The following NFATC2 variants were observed in gnomAD, a reference collection of about 807,000 sequenced individuals.
NFATC2 encodes the protein nuclear factor of activated T cells 2.
NFATC2 carries 22 observed loss-of-function variants against 87.3 expected under a neutral mutation model. The observed-to-expected ratio is 0.25, with a 90% CI of 0.18 to 0.36. NFATC2 has a LOEUF of 0.36. Among genes scored for constraint, NFATC2 ranks in the 10% least tolerant of loss-of-function variants. NFATC2 has a pLI of 1.00. For missense variants in NFATC2, 1,149 were observed against 1,259.1 expected (o/e 0.91, Z 1.32); for synonymous variants, 565 against 542.2 (o/e 1.04, Z -0.58).
chr20:51,486,408 TC>T (rs1307409498), intron 3 of NFATC2, among the ~76,000 whole-genome samples: 1 of 152,152 alleles, frequency 6.6e-6, no homozygotes, highest in African/African-American at 2.4e-5. Flanking sequence ...AGAACATTCT[TC>T]CCCTGGGTCT....
upstream of NFATC2, among the ~76,000 whole-genome samples, chr20:51,545,965 TAG>T (rs1300029609): frequency 6.6e-6 from 1 of 152,156 alleles, no homozygotes; most frequent in East Asian, 1.9e-4. Context: ...TTAAAATCCT[TAG>T]AGTTTTCTTT....
chr20:51,540,655 T>TG (rs1555818308), intron 1 of NFATC2, among the ~76,000 whole-genome samples: 1 of 129,286 alleles, frequency 7.7e-6, no homozygotes. Context: ...AAGTTTTTTT[T>TG]TTGTTTTTTT....
Position 51,433,113 on chromosome 20 carries a change from T to C in NFATC2, c.2033-357A>G, listed in dbSNP as rs539760183. On this transcript the variant is annotated intron_variant, in intron 8 of 10. Coordinates refer to ENST00000371564, the MANE Select transcript of NFATC2 (RefSeq NM_012340.5). ...CCCCTCTTTCTATCCCAGCAGCTCC[T>C]GTCTCCGCTTGCTTTCCTTTCTACT... is the stretch of plus-strand genomic sequence containing the variant. Among the ~76,000 whole-genome samples the C allele has an allele frequency of 4.6e-5, 7 of 152,302 alleles. No individual in the cohort carries two copies. In the East Asian group the frequency reaches 1.4e-3, roughly 29 times the overall value.
At chr20:51,541,901 G>C (rs2076823369) in intron 1 of NFATC2, among the ~76,000 whole-genome samples, 1 of 152,130 alleles carries the variant, frequency 6.6e-6, no homozygotes, top group African/African-American at 2.4e-5. Flanking sequence ...GGAAGGAGCG[G>C]CCTCCTACCC....
rs374413124 is a variant in NFATC2, at chr20:51,523,213, C to T, written c.1028G>A (p.Arg343His). 37 of 1,613,710 alleles carry T rather than the reference C, an allele frequency of 2.3e-5. No individual in the cohort carries two copies. The East Asian group carries it at 2.7e-4, about 12-fold the overall frequency. ...SAAPSKAGLP[R>H]HIYPAVEFLG... ...GAACTCCACGGCCGGGTAGATGTGG[C>T]GAGGCAGGCCGGCCTTGGATGGGGC... Residue 343 changes from arginine to histidine, a missense_variant, in exon 2 of 11, where the codon CGC becomes CAC. Transcript: ENST00000371564. The surrounding 1 kb of genome is among the most constrained non-coding windows in gnomAD (Gnocchi z 6.9).
intron 3 of NFATC2, among the ~76,000 whole-genome samples, chr20:51,486,194 G>A (rs1255407319): frequency 6.6e-6 from 1 of 151,824 alleles, no homozygotes; most frequent in African/African-American, 2.4e-5. Context: ...CTGGGTGACA[G>A]AGCGAGACAC....
chr20:51,388,221 T>C lies in NFATC2; in HGVS notation c.*3275A>G, dbSNP rs1366245880. ...TTCCATTACAATGCAGGCAGGGTTT[T>C]GGTGTCAATTTTTTAAAATCAAAAT... On this transcript the variant is annotated 3_prime_UTR_variant, in exon 11 of 11. Coordinates refer to ENST00000371564, the MANE Select transcript of NFATC2 (RefSeq NM_012340.5). The C allele has an allele frequency of 6.6e-6, 1 of 152,248 alleles. No homozygotes were observed. Among genetic ancestry groups the C allele is most frequent in the African/African-American group, 2.4e-5 (1 of 41,458 alleles). The allele number at this position is 152,248 out of a possible 1,614,324, so 9.4% of individuals were successfully genotyped here.
At chr20:51,555,255 C>A (rs1346185394) in intron 1 of NFATC2, among the ~76,000 whole-genome samples, 1 of 152,174 alleles carries the variant, frequency 6.6e-6, no homozygotes, top group Non-Finnish European at 1.5e-5. Flanking sequence ...AACATTCCCC[C>A]AGGGGCTCCT....
At position 51,397,341 on chromosome 20, in the gene NFATC2, AACCCTCAATAGG is replaced by A. The variant is rs1172094253; in HGVS notation, c.*44+1290_*44+1301del. Among the ~76,000 whole-genome samples, 36 of 149,426 alleles carry A rather than the reference AACCCTCAATAGG, an allele frequency of 2.4e-4. 1 individual carries two copies. The highest frequency in any genetic ancestry group is 1.0e-3 in the South Asian group (5 of 4,830). ...GTGAGGCTCAGTGAAAAGAACATAAAACCCTCAATAGGACCCTCAATAGGACTGTAGCCCAGA... is the reference window on the plus strand; with the variant it reads ...GTGAGGCTCAGTGAAAAGAACATAAAACCCTCAATAGGACTGTAGCCCAGA... On this transcript the variant is annotated intron_variant, in intron 10 of 10. Transcript: ENST00000371564.
intron 9 of NFATC2, among the ~76,000 whole-genome samples, chr20:51,410,315 TAAC>T (rs140698403): frequency 0.018 from 2,770 of 152,104 alleles, 96 homozygotes; most frequent in African/African-American, 0.064. Flanking sequence ...TTAGGTGTGA[TAAC>T]AATATCAGGG....
intron 9 of NFATC2, among the ~76,000 whole-genome samples, chr20:51,419,400 G>T (rs946853754): frequency 6.6e-6 from 1 of 152,142 alleles, no homozygotes; most frequent in African/African-American, 2.4e-5. Flanking sequence ...TCTGGGTTAC[G>T]CCCTTAAAGG....
rs1200984218 is a variant in NFATC2, at chr20:51,454,633, G to C, written c.1764C>G (p.Cys588Trp). The C allele has an allele frequency of 6.2e-7, 1 of 1,614,094 alleles. No homozygotes were observed. The highest frequency in any genetic ancestry group is 8.5e-7 in the Non-Finnish European group (1 of 1,180,032). The change falls in exon 6 of 11, where the codon TGC becomes TGG. Residue 588 changes from cysteine to tryptophan, a missense_variant. Around this residue, in one of 3 missense-constraint regions of NFATC2, gnomAD observed 581 missense variants for 649.7 expected, o/e 0.89. Coordinates refer to ENST00000371564, the MANE Select transcript of NFATC2 (RefSeq NM_012340.5). ...PMVERQDTDS[C>W]LVYGGQQMIL... is the part of the protein sequence containing the mutation. ...TCATTTGCTGGCCGCCATAGACCAG[G>C]CAGCTGTCTGTGTCTTGTCTTTCAA...
intron 2 of NFATC2, 124 bp from the exon 3 acceptor site, chr20:51,517,079 T>C: frequency 2.0e-6 from 2 of 1,012,692 alleles, no homozygotes; most frequent in East Asian, 5.3e-5. Context: ...ACAATGAGGA[T>C]ACGTTCCGGG....
intron 6 of NFATC2, among the ~76,000 whole-genome samples, chr20:51,445,502 C>A (rs926480581): frequency 6.6e-6 from 1 of 152,210 alleles, no homozygotes; most frequent in Non-Finnish European, 1.5e-5. Context: ...ACAACGAATA[C>A]CTTTTTACTG....
intron 3 of NFATC2, among the ~76,000 whole-genome samples, chr20:51,477,770 A>C (rs1988885240): frequency 6.6e-6 from 1 of 151,776 alleles, no homozygotes; most frequent in African/African-American, 2.4e-5. Context: ...CTTCGGTAGG[A>C]TCTCCAGTCA....
intron 1 of NFATC2, among the ~76,000 whole-genome samples, chr20:51,561,631 A>G (rs57387078): frequency 0.024 from 3,387 of 139,216 alleles, 102 homozygotes; most frequent in African/African-American, 0.083. Flanking sequence ...CCTACATTCA[A>G]CTCTGATTTT....
At chr20:51,412,996 G>A (rs866012674) in intron 9 of NFATC2, among the ~76,000 whole-genome samples, 1 of 85,964 alleles carries the variant, frequency 1.2e-5, no homozygotes, top group African/African-American at 5.0e-5. Context: ...CGCTCCCGCC[G>A]CCCCCCCCCC....
intron 1 of NFATC2, among the ~76,000 whole-genome samples, chr20:51,540,949 A>G (rs2076807319): frequency 6.6e-6 from 1 of 152,184 alleles, no homozygotes; most frequent in South Asian, 2.1e-4. Flanking sequence ...CAGATTCTTA[A>G]TTGTATCTTT....
chr20:51,505,552 G>A (rs997516466), intron 3 of NFATC2, among the ~76,000 whole-genome samples: 4 of 151,382 alleles, frequency 2.6e-5, no homozygotes, highest in Admixed American at 6.6e-5. Flanking sequence ...GAAATTTTTC[G>A]AACCTGTGCC....
Sources: allele counts gnomAD v4.1 joint callset (sites outside exome capture counted in the v4.1 genomes callset), GRCh38; gene constraint gnomAD v4.1.1; regional missense constraint gnomAD v4.1.1; non-coding constraint Gnocchi (gnomAD v3.1); transcripts MANE v1.5; gene names NCBI Gene and HGNC (gene_info 2026-07-23, HGNC 2026-07-21).